The following REPS2 variants were observed in gnomAD, a reference collection of about 807,000 sequenced individuals.
The protein encoded by REPS2 is ralBP1-associated Eps domain-containing protein 2.
Under a neutral mutation model 53.6 loss-of-function variants are expected in REPS2, and 23 were observed. That is an observed-to-expected ratio of 0.43 (90% CI 0.31 to 0.61). The LOEUF (loss-of-function observed/expected upper bound fraction) is 0.61. Ranked by LOEUF, REPS2 falls within the 20% of genes least tolerant of loss-of-function variation. The pLI is 0.11. For missense variants in REPS2, 446 were observed against 534.9 expected (o/e 0.83, Z 1.64); for synonymous variants, 238 against 218.6 (o/e 1.09, Z -0.78).
intron 2 of REPS2, among the ~76,000 whole-genome samples, chrX:17,017,404 C>A (rs2061512960): frequency 9.0e-6 from 1 of 111,460 alleles, no homozygotes; most frequent in Admixed American, 9.6e-5. Flanking sequence ...CTGTATGATT[C>A]AATGTATGAA....
intron 13 of REPS2, among the ~76,000 whole-genome samples, chrX:17,089,075 T>C (rs2062581175): frequency 8.9e-6 from 1 of 111,791 alleles, no homozygotes; most frequent in Admixed American, 9.5e-5. Flanking sequence ...CAAGGCACTC[T>C]TCAATGTGTT....
intron 6 of REPS2, among the ~76,000 whole-genome samples, chrX:17,049,348 T>G (rs779716032): frequency 1.9e-4 from 21 of 112,069 alleles, no homozygotes; most frequent in Admixed American, 1.7e-3. Context: ...TGCAGGTTAT[T>G]GTCCTCTTCT....
At chrX:17,095,939 G>C (rs1297602885) in intron 13 of REPS2, among the ~76,000 whole-genome samples, 3 of 111,882 alleles carry the variant, frequency 2.7e-5, no homozygotes, top group Non-Finnish European at 5.6e-5. Context: ...TTGCTCATCT[G>C]TTTTCCCAGT....
the REPS2 span, among the ~76,000 whole-genome samples, chrX:17,185,259 G>A: frequency 4.9e-3 from 542 of 111,434 alleles, 2 homozygotes; most frequent in African/African-American, 0.016. Context: ...CAGTTGTAGT[G>A]TTCCAAGAGC....
chrX:17,119,145 A>G (rs1026585760), intron 14 of REPS2, among the ~76,000 whole-genome samples: 1 of 112,024 alleles, frequency 8.9e-6, no homozygotes, highest in Non-Finnish European at 1.9e-5. Context: ...AGGCACAGAG[A>G]ACCTCAGCAA....
chrX:17,164,714 CAAT>C, the REPS2 span, among the ~76,000 whole-genome samples: 1 of 110,302 alleles, frequency 9.1e-6, no homozygotes, highest in Admixed American at 9.6e-5. Flanking sequence ...GATCCCCAGT[CAAT>C]AACCTAATTT....
rs375908281 is a variant in REPS2 at position 16,969,279 on chromosome X, C to T, written c.273+22145C>T. On this transcript the variant is annotated intron_variant, in intron 1 of 17. Transcript: ENST00000357277. ...GCAGAGGGGCTCCTCACATCCCAGA[C>T]GATGGGTGGCCAGGCAGAGACACTC... is the stretch of plus-strand genomic sequence containing the variant. Among the ~76,000 whole-genome samples, 10 of 110,705 alleles carry T rather than the reference C, an allele frequency of 9.0e-5. No homozygotes were observed. In the East Asian group the frequency reaches 1.5e-3, roughly 16 times the overall value.
At chrX:17,124,804 A>G (rs1280495116) in intron 14 of REPS2, among the ~76,000 whole-genome samples, 2 of 109,995 alleles carry the variant, frequency 1.8e-5, no homozygotes, top group Non-Finnish European at 3.8e-5. Flanking sequence ...AAACCTAAAA[A>G]AAAAAAAGTT....
chrX:17,001,919 C>T (rs747468938), intron 1 of REPS2, among the ~76,000 whole-genome samples: 35 of 111,592 alleles, frequency 3.1e-4, no homozygotes, highest in African/African-American at 1.0e-3. Flanking sequence ...TGGGAAAGAC[C>T]GATCCCCGTG....
chrX:17,193,542 A>G, the REPS2 span, among the ~76,000 whole-genome samples: 2 of 111,349 alleles, frequency 1.8e-5, no homozygotes, highest in South Asian at 7.6e-4. Context: ...CTGTTCGCTC[A>G]GAGGGCTGGC....
chrX:16,964,825 C>T (rs1602522688), intron 1 of REPS2, among the ~76,000 whole-genome samples: 1 of 77,070 alleles, frequency 1.3e-5, no homozygotes, highest in Non-Finnish European at 2.5e-5. Context: ...GGCGGCTGGC[C>T]GGGCAGAGTG....
At chrX:17,096,727 A>G (rs943967787) in intron 13 of REPS2, among the ~76,000 whole-genome samples, 18 of 110,363 alleles carry the variant, frequency 1.6e-4, no homozygotes, top group Admixed American at 9.6e-4. Flanking sequence ...AATTATAAAA[A>G]TGAAAAAAAC....
rs756926184 is a variant in REPS2 at position 17,025,194 on chromosome X, C to T, written c.673+9C>T. ...AGAACAGATGCATCCAGGTAAGAGG[C>T]GACCTGGGGGCCAGCTGTCCCAGGC... On this transcript the variant is annotated intron_variant, in intron 4 of 17. Coordinates refer to ENST00000357277, the MANE Select transcript of REPS2 (RefSeq NM_004726.3). The T allele has an allele frequency of 1.5e-4, 185 of 1,203,287 alleles. 1 individual carries two copies. In the South Asian group the frequency reaches 2.0e-3, roughly 13 times the overall value.
At chrX:17,023,024 C>T (rs1378446050) in intron 3 of REPS2, among the ~76,000 whole-genome samples, 1 of 111,925 alleles carries the variant, frequency 8.9e-6, no homozygotes, top group Non-Finnish European at 1.9e-5. Flanking sequence ...ATTGGTGTAC[C>T]CTGCAGGCAT....
In REPS2 at chrX:16,972,870, A is replaced by G. The variant is rs6632937; in HGVS notation, c.273+25736A>G. On this transcript the variant is annotated intron_variant, in intron 1 of 17. Coordinates refer to ENST00000357277, the MANE Select transcript of REPS2 (RefSeq NM_004726.3). ...CCCTTAATGTTAACATTTTATATAA[A>G]GGATCAAGAATAGGAAATTAGTCTT... 5.4e-3 allele frequency among the ~76,000 whole-genome samples: 601 copies of G among 111,723 alleles called. 5 individuals are homozygous for G. Among genetic ancestry groups the G allele is most frequent in the African/African-American group, 0.019 (577 of 30,778 alleles).
At chrX:16,978,174 C>T (rs1328929732) in intron 1 of REPS2, among the ~76,000 whole-genome samples, 4 of 111,894 alleles carry the variant, frequency 3.6e-5, no homozygotes, top group Non-Finnish European at 7.5e-5. Flanking sequence ...AATTATAACC[C>T]AATCAGGGTA....
chrX:17,119,785 G>A (rs1255787485), intron 14 of REPS2, among the ~76,000 whole-genome samples: 2 of 110,784 alleles, frequency 1.8e-5, no homozygotes, highest in African/African-American at 3.3e-5. Context: ...TTTCCCCTGG[G>A]GGGCTCAGTT....
chrX:16,947,028 G>C lies in REPS2; in HGVS notation c.167G>C (p.Gly56Ala). 1 of 980,256 alleles carries C rather than the reference G, an allele frequency of 1.0e-6. No individual in the cohort carries two copies. Among genetic ancestry groups the C allele is most frequent in the Non-Finnish European group, 1.3e-6 (1 of 783,433 alleles). 80.8% of individuals were successfully genotyped at this position (980,256 alleles called of 1,213,427 possible). Residue 56 changes from glycine (G) to alanine (A), a missense_variant, in exon 1 of 18, where the codon GGG becomes GCG. Coordinates refer to ENST00000357277, the MANE Select transcript of REPS2 (RefSeq NM_004726.3). ...AGAAGGGPGS[G>A]PPEAARVAPG... Reference sequence around the variant, plus strand: ...GCCGCGGGCGGGGGCCCCGGGTCTGGGCCCCCCGAGGCCGCCAGAGTCGCC... The same window carrying C: ...GCCGCGGGCGGGGGCCCCGGGTCTGCGCCCCCCGAGGCCGCCAGAGTCGCC...
chrX:16,978,006 G>A (rs906559424), intron 1 of REPS2, among the ~76,000 whole-genome samples: 4 of 111,343 alleles, frequency 3.6e-5, no homozygotes, highest in African/African-American at 1.3e-4. Flanking sequence ...ATCCACCCTG[G>A]CCTTTCCACA....
Sources: allele counts gnomAD v4.1 joint callset (sites outside exome capture counted in the v4.1 genomes callset), GRCh38; gene constraint gnomAD v4.1.1; transcripts MANE v1.5; gene names NCBI Gene and HGNC (gene_info 2026-07-23, HGNC 2026-07-21).